The following ROBO1 variants were observed in gnomAD, a reference collection of about 807,000 sequenced individuals.
ROBO1 encodes roundabout guidance receptor 1.
ROBO1 carries 149 observed loss-of-function variants against 195.9 expected under a neutral mutation model. The observed-to-expected ratio is 0.76, with a 90% CI of 0.67 to 0.87. The LOEUF (loss-of-function observed/expected upper bound fraction) is 0.87. Among genes scored for constraint, ROBO1 ranks in the 40% least tolerant of loss-of-function variants. ROBO1 has a pLI of 0.00. For synonymous variants in ROBO1, 816 were observed against 733.2 expected, an observed-to-expected ratio of 1.11 and a Z score of -1.82; for missense variants, 1,933 against 2,068.3, an observed-to-expected ratio of 0.93 and a Z score of 1.27.
At chr3:79,553,708 T>C (rs1942602551) in intron 2 of ROBO1, among the ~76,000 whole-genome samples, 1 of 152,064 alleles carries the variant, frequency 6.6e-6, no homozygotes, top group East Asian at 1.9e-4. Flanking sequence ...ACCATAAAAT[T>C]TTAAAGTAAT....
intron 4 of ROBO1, among the ~76,000 whole-genome samples, chr3:78,925,631 TTAA>T (rs1435907602): frequency 6.6e-6 from 1 of 152,122 alleles, no homozygotes; most frequent in Non-Finnish European, 1.5e-5. Context: ...TGACAAAAAA[TTAA>T]TAATAATACT....
intron 2 of ROBO1, among the ~76,000 whole-genome samples, chr3:79,570,789 T>G (rs948905258): frequency 6.6e-6 from 1 of 152,174 alleles, no homozygotes; most frequent in Non-Finnish European, 1.5e-5. Context: ...TATCTTTAAC[T>G]CACACTACCC....
chr3:79,743,883 C>T (rs1020338149), intron 1 of ROBO1, among the ~76,000 whole-genome samples: 1 of 152,168 alleles, frequency 6.6e-6, no homozygotes, highest in Admixed American at 6.5e-5. Flanking sequence ...GCACACGGAG[C>T]CGTCGTCTCT....
chr3:79,324,962 T>A (rs149879312), intron 2 of ROBO1, among the ~76,000 whole-genome samples: 2 of 152,282 alleles, frequency 1.3e-5, no homozygotes, highest in East Asian at 3.9e-4. Flanking sequence ...TACTCCCAGG[T>A]GCAGTGTACA....
intron 2 of ROBO1, among the ~76,000 whole-genome samples, chr3:79,300,947 A>G (rs1056980188): frequency 2.6e-5 from 4 of 152,116 alleles, no homozygotes; most frequent in African/African-American, 9.7e-5. Flanking sequence ...CGCACCAATC[A>G]GCGCCCTGTC....
At chr3:79,563,938 T>G (rs1239193165) in intron 2 of ROBO1, among the ~76,000 whole-genome samples, 1 of 152,022 alleles carries the variant, frequency 6.6e-6, no homozygotes, top group Admixed American at 6.6e-5. Context: ...AAGATTTAAC[T>G]TATGTAAATT....
At chr3:79,675,963 T>G (rs1237884795) in intron 1 of ROBO1, among the ~76,000 whole-genome samples, 1 of 152,042 alleles carries the variant, frequency 6.6e-6, no homozygotes, top group African/African-American at 2.4e-5. Flanking sequence ...TTCTGTATTT[T>G]GGGAGGGTCT....
At chr3:78,993,466 ATTT>A (rs1290435367) in intron 3 of ROBO1, among the ~76,000 whole-genome samples, 1 of 152,124 alleles carries the variant, frequency 6.6e-6, no homozygotes, top group African/African-American at 2.4e-5. Flanking sequence ...TCACTTCTTT[ATTT>A]AAGTGGAGGC....
intron 1 of ROBO1, among the ~76,000 whole-genome samples, chr3:79,671,081 G>A (rs7620284): frequency 0.28 from 42,854 of 151,586 alleles, 6,907 homozygotes; most frequent in African/African-American, 0.45. Context: ...CAGGTATATG[G>A]AATTAAAATA....
intron 4 of ROBO1, among the ~76,000 whole-genome samples, chr3:78,913,692 C>T (rs1174788292): frequency 6.6e-6 from 1 of 151,456 alleles, no homozygotes; most frequent in Non-Finnish European, 1.5e-5. Flanking sequence ...TATTTTTTTT[C>T]AACTTGTGAA....
chr3:79,759,643 TA>T (rs1288779675), intron 1 of ROBO1, among the ~76,000 whole-genome samples: 12 of 152,306 alleles, frequency 7.9e-5, no homozygotes, highest in South Asian at 2.1e-4. Context: ...CAGTTTGTCT[TA>T]AAAAAATGGT....
intron 2 of ROBO1, among the ~76,000 whole-genome samples, chr3:79,282,301 A>G (rs1220438741): frequency 1.3e-5 from 2 of 152,172 alleles, no homozygotes; most frequent in East Asian, 1.9e-4. Context: ...ATGAGCACCA[A>G]AAAAAGAACC....
chr3:79,719,648 C>T (rs1029968774), intron 1 of ROBO1, among the ~76,000 whole-genome samples: 4 of 152,004 alleles, frequency 2.6e-5, no homozygotes, highest in Non-Finnish European at 5.9e-5. Flanking sequence ...GAGGTTATGT[C>T]GCTTTCATAT....
At chr3:79,721,815 A>G (rs1432183780) in intron 1 of ROBO1, among the ~76,000 whole-genome samples, 1 of 152,220 alleles carries the variant, frequency 6.6e-6, no homozygotes, top group Non-Finnish European at 1.5e-5. Context: ...TTCCATGTAT[A>G]TCCAAAGTGT....
At chr3:78,658,720 T>G (rs1707195066) in intron 17 of ROBO1, among the ~76,000 whole-genome samples, 1 of 152,258 alleles carries the variant, frequency 6.6e-6, no homozygotes, top group African/African-American at 2.4e-5. Context: ...TCTTTTTATA[T>G]TTTCTTTGAA....
intron 3 of ROBO1, among the ~76,000 whole-genome samples, chr3:78,987,426 C>T (rs2077134836): frequency 6.6e-6 from 1 of 151,950 alleles, no homozygotes; most frequent in African/African-American, 2.4e-5. Context: ...AAATACAGGG[C>T]ATAAGAATGA....
chr3:79,182,570 T>C (rs144525370), intron 2 of ROBO1, among the ~76,000 whole-genome samples: 11 of 150,030 alleles, frequency 7.3e-5, no homozygotes, highest in Non-Finnish European at 1.2e-4. Flanking sequence ...TGTGTGTGTG[T>C]GCGTGCGTGC....
At chr3:79,584,253 A>AATATATATATAT (rs10526101) in intron 2 of ROBO1, among the ~76,000 whole-genome samples, 1 of 144,590 alleles carries the variant, frequency 6.9e-6, no homozygotes, top group East Asian at 2.1e-4. Context: ...AGGTACATGT[A>AATATATATATAT]ATATATATAT....
At chr3:78,898,346 G>GAT (rs202145557) in intron 4 of ROBO1, among the ~76,000 whole-genome samples, 1,679 of 140,604 alleles carry the variant, frequency 0.012, 43 homozygotes, top group African/African-American at 0.034. Flanking sequence ...GAGAGAGACA[G>GAT]ATATATATAT....
Sources: allele counts gnomAD v4.1 joint callset (sites outside exome capture counted in the v4.1 genomes callset), GRCh38; gene constraint gnomAD v4.1.1; transcripts MANE v1.5; gene names NCBI Gene and HGNC (gene_info 2026-07-23, HGNC 2026-07-21).